CBR4: variants seen among roughly 807,000 people sequenced by gnomAD.
The protein encoded by CBR4 is 3-oxoacyl-[acyl-carrier-protein] reductase.
CBR4 carries 22 observed loss-of-function variants against 21.0 expected under a neutral mutation model. The observed-to-expected ratio is 1.05, with a 90% CI of 0.75 to 1.50. The LOEUF (loss-of-function observed/expected upper bound fraction) is 1.50, where lower values mean the gene tolerates loss of function less well. Ranked by LOEUF, CBR4 falls within the 40% of genes most tolerant of loss-of-function variation. CBR4 has a pLI of 0.00. For missense variants in CBR4, 302 were observed against 286.3 expected (o/e 1.05, Z -0.40); for synonymous variants, 100 against 104.4 (o/e 0.96, Z 0.26).
chr4:168,919,516 C>A (rs1760983517), intron 2 of CBR4, among the ~76,000 whole-genome samples: 2 of 142,836 alleles, frequency 1.4e-5, no homozygotes, highest in South Asian at 4.3e-4. Context: ...AGGAGCAAGA[C>A]TGTCTTAAAA....
At position 168,914,018 on chromosome 4, in the gene CBR4, G is replaced by C. The variant is rs1759594857; in HGVS notation, n.170-19253C>G. 6.3e-7 allele frequency: 1 copy of C among 1,579,182 alleles called. No individual in the cohort carries two copies. Among genetic ancestry groups the C allele is most frequent in the African/African-American group, 1.3e-5 (1 of 74,154 alleles). On this transcript the variant is annotated intron_variant and non_coding_transcript_variant, in intron 2 of 3. Transcript: ENST00000509108. Reference sequence around the variant, plus strand: ...TCTCCCTCAGGCCATCCTCATGTCAGAAGGTATTTAACATGTTCCTTCCCA... The same window carrying C: ...TCTCCCTCAGGCCATCCTCATGTCACAAGGTATTTAACATGTTCCTTCCCA...
intron 2 of CBR4, among the ~76,000 whole-genome samples, chr4:168,906,805 G>A (rs1213592823): frequency 6.6e-6 from 1 of 151,190 alleles, no homozygotes; most frequent in Non-Finnish European, 1.5e-5. Context: ...TAAATTTTTA[G>A]AAAATAAATG....
chr4:169,004,765 T>C (rs1730762492), intron 3 of CBR4, among the ~76,000 whole-genome samples: 1 of 152,238 alleles, frequency 6.6e-6, no homozygotes, highest in Non-Finnish European at 1.5e-5. Context: ...GCTTCAATTA[T>C]ACACTTTTTG....
chr4:168,990,271 A>G lies in CBR4; in HGVS notation c.593T>C (p.Ile198Thr), dbSNP rs753485351. ...DLKEEHLKKN[I>T]PLGRFGETIE... ...AGTTTCTCCAAACCTCCCAAGAGGAATATTTTTCTTTAAATGTTCTTCTTT... is the reference window on the plus strand; with the variant it reads ...AGTTTCTCCAAACCTCCCAAGAGGAGTATTTTTCTTTAAATGTTCTTCTTT... Residue 198 changes from isoleucine to threonine, a missense_variant, in exon 5 of 5, where the codon ATT becomes ACT. Coordinates refer to ENST00000306193, the MANE Select transcript of CBR4 (RefSeq NM_032783.5). 4 of 1,612,550 alleles carry G rather than the reference A, an allele frequency of 2.5e-6. No homozygotes were observed. The highest frequency in any genetic ancestry group is 1.1e-5 in the South Asian group (1 of 90,896).
intron 2 of CBR4, among the ~76,000 whole-genome samples, chr4:168,936,720 A>G (rs1380662079): frequency 1.3e-5 from 2 of 152,190 alleles, no homozygotes; most frequent in Admixed American, 1.3e-4. Context: ...TAAAGCATGA[A>G]GACAAGATTA....
At chr4:168,905,301 C>A (rs902029252) in intron 2 of CBR4, among the ~76,000 whole-genome samples, 11 of 151,080 alleles carry the variant, frequency 7.3e-5, no homozygotes, top group African/African-American at 2.4e-4. Context: ...CAGGCACCCA[C>A]CATGCCCGGC....
chr4:169,010,220 A>C lies in CBR4; in HGVS notation c.-131T>G. ...AAAAAGGCAAACCGCAAAAAAAAAT[A>C]ACGCCGCTCGACACCTCCTGCAGCC... is the stretch of plus-strand genomic sequence containing the variant. On this transcript the variant is annotated 5_prime_UTR_variant, in exon 1 of 5. Transcript: ENST00000306193. 1.4e-4 allele frequency: 107 copies of C among 791,148 alleles called. No homozygotes were observed. The highest frequency in any genetic ancestry group is 4.8e-4 in the East Asian group (15 of 31,552). The allele number at this position is 791,148 out of a possible 1,614,324, so 49.0% of individuals were successfully genotyped here. A position where few individuals can be genotyped will look rare whatever the true frequency, so the allele number is the denominator to read the frequency against.
chr4:168,961,535 A>G (rs146432405), intron 2 of CBR4, among the ~76,000 whole-genome samples: 2 of 152,264 alleles, frequency 1.3e-5, no homozygotes, highest in African/African-American at 4.8e-5. Context: ...CACAGTTTCC[A>G]GTTTCTCCAT....
At chr4:168,982,068 A>G (rs913435361) in intron 2 of CBR4, among the ~76,000 whole-genome samples, 4 of 152,204 alleles carry the variant, frequency 2.6e-5, no homozygotes, top group African/African-American at 9.6e-5. Flanking sequence ...CACACATAAC[A>G]ATATTAATCT....
At chr4:168,936,128 C>T (rs190703146) in intron 2 of CBR4, among the ~76,000 whole-genome samples, 52 of 152,312 alleles carry the variant, frequency 3.4e-4, no homozygotes, top group African/African-American at 1.2e-3. Flanking sequence ...GCTGGTGATA[C>T]CCAGGTAAAC....
intron 2 of CBR4, among the ~76,000 whole-genome samples, chr4:168,964,645 T>C (rs549266237): frequency 3.9e-5 from 6 of 152,216 alleles, no homozygotes; most frequent in African/African-American, 1.4e-4. Flanking sequence ...ATATAAGAAA[T>C]AACTCTAATG....
chr4:168,941,783 C>T (rs28545615), intron 2 of CBR4, among the ~76,000 whole-genome samples: 2,610 of 152,224 alleles, frequency 0.017, 60 homozygotes, highest in African/African-American at 0.044. Flanking sequence ...TGGTATCTCA[C>T]TGGGGTTTTG....
At chr4:168,971,059 T>C (rs984198870) in intron 2 of CBR4, among the ~76,000 whole-genome samples, 3 of 152,340 alleles carry the variant, frequency 2.0e-5, no homozygotes, top group South Asian at 2.1e-4. Flanking sequence ...CTGTTTTCCA[T>C]AGTGGTTGTA....
chr4:168,920,998 G>A (rs566481677), intron 2 of CBR4, among the ~76,000 whole-genome samples: 2 of 152,124 alleles, frequency 1.3e-5, no homozygotes, highest in South Asian at 4.1e-4. Flanking sequence ...ATCCCATCTC[G>A]GTCTTCTCTA....
At chr4:168,932,895 G>A (rs2877381) in intron 2 of CBR4, among the ~76,000 whole-genome samples, 105,124 of 152,006 alleles carry the variant, frequency 0.69, 37,703 homozygotes, top group East Asian at 0.96. Flanking sequence ...ATATGCAAAA[G>A]CTAAGGGAAG....
chr4:168,910,120 T>A (rs1372375989), intron 2 of CBR4, among the ~76,000 whole-genome samples: 1 of 152,040 alleles, frequency 6.6e-6, no homozygotes, highest in Non-Finnish European at 1.5e-5. Context: ...AAATATTCTG[T>A]GGCAATATTT....
At chr4:168,990,969 G>A (rs1560982698) in intron 4 of CBR4, among the ~76,000 whole-genome samples, 1 of 151,920 alleles carries the variant, frequency 6.6e-6, no homozygotes, top group African/African-American at 2.4e-5. Flanking sequence ...CAGGAGAATC[G>A]CTTGAACCTG....
Position 168,903,894 on chromosome 4 carries a change from T to C in CBR4, n.170-9129A>G, listed in dbSNP as rs1757072683. Reference sequence around the variant, plus strand: ...ATGATGGGAATTATACAATTATGGCTGCAAACCCTCAGGTAAAGAAGGGTA... The same window carrying C: ...ATGATGGGAATTATACAATTATGGCCGCAAACCCTCAGGTAAAGAAGGGTA... On this transcript the variant is annotated intron_variant and non_coding_transcript_variant, in intron 2 of 3. Transcript: ENST00000509108. The C allele has an allele frequency of 2.5e-6, 4 of 1,613,948 alleles. No homozygotes were observed. In the African/African-American group the frequency reaches 4.0e-5, roughly 16 times the overall value.
chr4:168,922,389 A>G (rs1761763137), intron 2 of CBR4, among the ~76,000 whole-genome samples: 1 of 152,162 alleles, frequency 6.6e-6, no homozygotes, highest in East Asian at 1.9e-4. Flanking sequence ...TATTTCTTCT[A>G]CCTCTTTATG....
Sources: gnomAD v4.1 joint callset for allele counts (sites outside exome capture counted in the v4.1 genomes callset) on GRCh38, gnomAD v4.1.1 for gene constraint, MANE v1.5 for transcripts, NCBI Gene and HGNC (gene_info 2026-07-23, HGNC 2026-07-21) for gene names.